The following CABP1 variants were observed in gnomAD, a reference collection of about 807,000 sequenced individuals.
CABP1 encodes calcium binding protein 1.
A neutral mutation model predicts 34.3 loss-of-function variants in CABP1; 17 were observed. The observed-to-expected ratio is 0.50, with a 90% CI of 0.34 to 0.74. The LOEUF is 0.74. Among genes scored for constraint, CABP1 ranks in the 30% least tolerant of loss-of-function variants. The pLI is 0.01. For synonymous variants in CABP1, 198 were observed against 229.2 expected (o/e 0.86, Z 1.23); for missense variants, 373 against 511.1 (o/e 0.73, Z 2.61).
chr12:120,640,862 C>T lies in CABP1; in HGVS notation c.177C>T (p.Ser59=). 9.3e-7 allele frequency: 1 copy of T among 1,078,376 alleles called. No individual in the cohort carries two copies. The highest frequency in any genetic ancestry group is 1.1e-6 in the Non-Finnish European group (1 of 891,350). 66.8% of individuals were successfully genotyped at this position (1,078,376 alleles called of 1,614,324 possible). Residue 59 remains serine, a synonymous_variant, in exon 1 of 6, where the codon AGC becomes AGT. Coordinates refer to ENST00000316803, the MANE Select transcript of CABP1 (RefSeq NM_001033677.2). This position sits in a 1 kb window ranked among gnomAD's most constrained non-coding sequence, Gnocchi z 6.2. ...CGAGCGCGGGCCCCGCCGCGATGAG[C>T]TCGCACATCGCCAAAAGCGAGTCCA... ...GHASAGPAAM[S]SHIAKSESKT...
intron 1 of CABP1, chr12:120,650,798 T>G (rs1232456132): frequency 2.7e-5 from 28 of 1,043,636 alleles, no homozygotes; most frequent in Non-Finnish European, 4.1e-5. Context: ...CCAGGGGTTC[T>G]GTCCAGGGCT....
At chr12:120,654,921 C>T (rs1338008443) in intron 1 of CABP1, among the ~76,000 whole-genome samples, 1 of 152,214 alleles carries the variant, frequency 6.6e-6, no homozygotes, top group Non-Finnish European at 1.5e-5. Context: ...CTGCCTTAGC[C>T]TCTAGAGGTC....
At chr12:120,647,560 C>CTTTTTTT (rs10557275) in intron 1 of CABP1, among the ~76,000 whole-genome samples, 8 of 75,666 alleles carry the variant, frequency 1.1e-4, no homozygotes, top group African/African-American at 1.9e-4. Flanking sequence ...CAGTCCAAGC[C>CTTTTTTT]TTTTTTTTTT....
chr12:120,656,283 T>C (rs1197521031), intron 1 of CABP1: 1 of 1,533,420 alleles, frequency 6.5e-7, no homozygotes, highest in South Asian at 1.3e-5. Context: ...GTACGTAAGT[T>C]GGCCCAGTGG....
At position 120,660,788 on chromosome 12, in the gene CABP1, C is replaced by T; in HGVS notation, c.887C>T (p.Ala296Val). The part of the protein sequence containing the change: ...FVELMGPKLL[A>V]ETADMIGVKE... ...GAGCTAATGGGGCCTAAACTCCTGG[C>T]AGAGACAGCAGATATGATTGGTGTA... Residue 296 changes from alanine (A) to valine (V), a missense_variant, in exon 4 of 6, where the codon GCA (alanine) becomes GTA (valine). Ala to Val is a moderately conservative substitution (Grantham distance 64). Coordinates refer to ENST00000316803, the MANE Select transcript of CABP1 (RefSeq NM_001033677.2). This position sits in a 1 kb window ranked among gnomAD's most constrained non-coding sequence, Gnocchi z 5.0. The T allele has an allele frequency of 6.2e-7, 1 of 1,613,986 alleles. No individual in the cohort carries two copies. The highest frequency in any genetic ancestry group is 8.5e-7 in the Non-Finnish European group (1 of 1,179,898).
the CABP1 span, among the ~76,000 whole-genome samples, chr12:120,675,293 T>C: frequency 0.017 from 2,567 of 152,262 alleles, 71 homozygotes; most frequent in African/African-American, 0.058. Flanking sequence ...CCTCAATTGA[T>C]CCACCCGCCT....
the CABP1 span, among the ~76,000 whole-genome samples, chr12:120,675,051 A>G: frequency 6.7e-6 from 1 of 148,924 alleles, no homozygotes; most frequent in Non-Finnish European, 1.5e-5. Context: ...GTTTTTTTAA[A>G]CATTAGTTTT....
Position 120,656,050 on chromosome 12 carries a change from G to A in CABP1, c.655-3828G>A, listed in dbSNP as rs571435428. 25 of 1,612,964 alleles carry A rather than the reference G, an allele frequency of 1.5e-5. No individual in the cohort carries two copies. In the African/African-American group the frequency reaches 1.7e-4, roughly 11 times the overall value. ...CAGGAGCCAGGCTGGGCAGGGAGGT[G>A]ACACCCTGCCTCTCTTTTGCATTTG... is the stretch of plus-strand genomic sequence containing the variant. On this transcript the variant is annotated intron_variant, in intron 1 of 5. Coordinates refer to ENST00000316803, the MANE Select transcript of CABP1 (RefSeq NM_001033677.2).
rs1455648019 is a variant in CABP1, at chr12:120,661,190, C to T, written c.1059C>T (p.Leu353=). 1 of 1,611,062 alleles carries T rather than the reference C, an allele frequency of 6.2e-7. No homozygotes were observed. Among genetic ancestry groups the T allele is most frequent in the Non-Finnish European group, 8.5e-7 (1 of 1,179,914 alleles). The part of the protein sequence containing the change: ...DIEEIIRDVD[L]NGDGRVDFEE... ...AGGAAATTATCCGAGATGTGGACCT[C>T]AATGGGGATGGACGAGTGGACTTTG... is the stretch of plus-strand genomic sequence containing the variant. Residue 353 remains leucine (L), a synonymous_variant, in exon 5 of 6, where the codon CTC becomes CTT. Transcript: ENST00000316803. This position sits in a 1 kb window ranked among gnomAD's most constrained non-coding sequence, Gnocchi z 5.1.
At chr12:120,642,429 C>G (rs1187267179) in intron 1 of CABP1, among the ~76,000 whole-genome samples, 1 of 152,190 alleles carries the variant, frequency 6.6e-6, no homozygotes, top group African/African-American at 2.4e-5. Context: ...CATTTCTTTT[C>G]AAAATACTAC....
chr12:120,659,927 G>A lies in CABP1; in HGVS notation c.685+19G>A. The A allele has an allele frequency of 6.2e-7, 1 of 1,613,070 alleles. No individual in the cohort carries two copies. The highest frequency in any genetic ancestry group is 1.3e-5 in the African/African-American group (1 of 75,022). On this transcript the variant is annotated intron_variant, in intron 2 of 5. Coordinates refer to ENST00000316803, the MANE Select transcript of CABP1 (RefSeq NM_001033677.2). The stretch of plus-strand genomic sequence containing the variant: ...ATTGAAGGTAAAACTTGGCCCCTTG[G>A]GGGAAAGGACTGCCTAGCCCTCTAG...
chr12:120,675,777 C>T, the CABP1 span, among the ~76,000 whole-genome samples: 7 of 152,288 alleles, frequency 4.6e-5, no homozygotes, highest in East Asian at 1.4e-3. Context: ...AGGCACTTAG[C>T]AATGATTTAT....
At chr12:120,674,848 G>A in the CABP1 span, among the ~76,000 whole-genome samples, 1 of 150,718 alleles carries the variant, frequency 6.6e-6, no homozygotes, top group Non-Finnish European at 1.5e-5. Flanking sequence ...CCAAGATCCC[G>A]CCACTGTGCT....
intron 1 of CABP1, among the ~76,000 whole-genome samples, chr12:120,655,104 GGAGTTAAGTAGTGCTACCTCTTCA>G (rs1462078052): frequency 6.6e-6 from 1 of 152,228 alleles, no homozygotes; most frequent in Non-Finnish European, 1.5e-5. Context: ...ACACTGGGCT[GGAGTTAAGTAGTGCTACCTCTTCA>G]GAGGGGTCAC....
intron 1 of CABP1, chr12:120,655,838 T>C (rs909739787): frequency 1.6e-4 from 250 of 1,529,874 alleles, no homozygotes; most frequent in Non-Finnish European, 2.1e-4. Context: ...TGCGTGTGTG[T>C]GTGTGTGTGT....
chr12:120,655,120 A>G (rs1046111824), intron 1 of CABP1, among the ~76,000 whole-genome samples: 25 of 152,086 alleles, frequency 1.6e-4, no homozygotes, highest in African/African-American at 2.7e-4. Context: ...AAGTAGTGCT[A>G]CCTCTTCAGA....
At position 120,660,974 on chromosome 12, in the gene CABP1, G is replaced by T; in HGVS notation, c.940-97G>T. On this transcript the variant is annotated intron_variant, in intron 4 of 5. Coordinates refer to ENST00000316803, the MANE Select transcript of CABP1 (RefSeq NM_001033677.2). This position sits in a 1 kb window ranked among gnomAD's most constrained non-coding sequence, Gnocchi z 5.0. Reference sequence around the variant, plus strand: ...TGGACAGAGAAAGGTCTCTGGTAAAGGGGGGCAATGACACTGGAGAAGGAG... The same window carrying T: ...TGGACAGAGAAAGGTCTCTGGTAAATGGGGGCAATGACACTGGAGAAGGAG... The T allele has an allele frequency of 6.9e-7, 1 of 1,458,982 alleles. No individual in the cohort carries two copies. Among genetic ancestry groups the T allele is most frequent in the East Asian group, 2.3e-5 (1 of 44,014 alleles). 90.4% of individuals were successfully genotyped at this position (1,458,982 alleles called of 1,614,324 possible).
chr12:120,676,604 T>C, the CABP1 span, among the ~76,000 whole-genome samples: 5 of 152,112 alleles, frequency 3.3e-5, no homozygotes, highest in Non-Finnish European at 7.4e-5. Context: ...ATTTTGTATT[T>C]TTAGTAAAGA....
the CABP1 span, among the ~76,000 whole-genome samples, chr12:120,674,869 C>T: frequency 6.7e-6 from 1 of 149,744 alleles, no homozygotes; most frequent in African/African-American, 2.5e-5. Flanking sequence ...CCAGCCTGGA[C>T]AACAGAGAGA....
Sources: gnomAD v4.1 joint callset for allele counts (sites outside exome capture counted in the v4.1 genomes callset) on GRCh38, gnomAD v4.1.1 for gene constraint, Gnocchi (gnomAD v3.1) non-coding constraint, MANE v1.5 for transcripts, NCBI Gene and HGNC (gene_info 2026-07-23, HGNC 2026-07-21) for gene names.